Variants in TNIK observed in about 807,000 individuals in gnomAD.
TNIK encodes the protein TRAF2 and NCK-interacting protein kinase.
A neutral mutation model predicts 191.3 loss-of-function variants in TNIK; 49 were observed. The ratio of observed to expected loss-of-function variants is 0.26; its 90% CI spans 0.20 to 0.32. The LOEUF (loss-of-function observed/expected upper bound fraction) is 0.32. TNIK is among the 10% of genes least tolerant of loss of function. The pLI is 1.00. For synonymous variants in TNIK, 594 were observed against 600.9 expected (o/e 0.99, Z 0.17); for missense variants, 1,155 against 1,702.3 (o/e 0.68, Z 5.66).
intron 1 of TNIK, among the ~76,000 whole-genome samples, chr3:171,435,164 A>G (rs999464813): frequency 3.3e-5 from 5 of 152,214 alleles, no homozygotes; most frequent in African/African-American, 9.6e-5. Context: ...GATAGGGAAG[A>G]TATCTTTTTA....
At chr3:171,326,443 C>T (rs1158882097) in intron 2 of TNIK, among the ~76,000 whole-genome samples, 1 of 149,498 alleles carries the variant, frequency 6.7e-6, no homozygotes, top group African/African-American at 2.4e-5. Flanking sequence ...GCATTTCCTT[C>T]TCCCACAAGA....
At chr3:171,208,946 C>T (rs769479636) in intron 4 of TNIK, among the ~76,000 whole-genome samples, 2 of 151,982 alleles carry the variant, frequency 1.3e-5, no homozygotes, top group African/African-American at 2.4e-5. Context: ...TAAGTGACTC[C>T]CTATTGGTTA....
chr3:171,204,789 A>T (rs1739857426), intron 4 of TNIK, among the ~76,000 whole-genome samples: 1 of 152,214 alleles, frequency 6.6e-6, no homozygotes, highest in African/African-American at 2.4e-5. Flanking sequence ...TATTTAGAAC[A>T]TCAGCTTCTG....
At chr3:171,314,686 C>T (rs967231688) in intron 2 of TNIK, among the ~76,000 whole-genome samples, 3 of 152,034 alleles carry the variant, frequency 2.0e-5, no homozygotes, top group Non-Finnish European at 4.4e-5. Context: ...ACCTCATAAT[C>T]TACTAGGGAA....
rs116738287 is a variant in TNIK at position 171,455,018 on chromosome 3, T to G, written c.57+4989A>C. ...AGGTTTTAATGAACAATGCTGATAG[T>G]TGATACTAGTTTAGAAATATGTTAA... On this transcript the variant is annotated intron_variant, in intron 1 of 32. Coordinates refer to ENST00000436636, the MANE Select transcript of TNIK (RefSeq NM_015028.4). Among the ~76,000 whole-genome samples, 953 of 152,332 alleles carry G rather than the reference T, an allele frequency of 6.3e-3. 7 individuals carry two copies. The highest frequency in any genetic ancestry group is 0.022 in the African/African-American group (917 of 41,580).
At chr3:171,444,365 T>A (rs1577962233) in intron 1 of TNIK, among the ~76,000 whole-genome samples, 1 of 152,232 alleles carries the variant, frequency 6.6e-6, no homozygotes, top group East Asian at 1.9e-4. Context: ...AATAAATAAC[T>A]CGAAGATTTT....
chr3:171,306,696 T>C (rs1753491433), intron 2 of TNIK, among the ~76,000 whole-genome samples: 1 of 152,050 alleles, frequency 6.6e-6, no homozygotes, highest in Non-Finnish European at 1.5e-5. Context: ...AAATGGGCTT[T>C]CATGAAAAAG....
At chr3:171,068,097 T>A (rs532102949) in intron 30 of TNIK, among the ~76,000 whole-genome samples, 28 of 152,342 alleles carry the variant, frequency 1.8e-4, no homozygotes, top group African/African-American at 6.5e-4. Context: ...ACACACACTT[T>A]ACACTACACT....
chr3:171,230,496 C>T (rs1743485998), intron 2 of TNIK, among the ~76,000 whole-genome samples: 1 of 152,162 alleles, frequency 6.6e-6, no homozygotes, highest in Admixed American at 6.5e-5. Context: ...TTGCAGGGCC[C>T]TCCAAGAGCT....
At chr3:171,434,337 C>T (rs1725749249) in intron 1 of TNIK, among the ~76,000 whole-genome samples, 1 of 152,130 alleles carries the variant, frequency 6.6e-6, no homozygotes, top group Non-Finnish European at 1.5e-5. Flanking sequence ...AGCCACATTG[C>T]TGAATTGTTA....
intron 2 of TNIK, among the ~76,000 whole-genome samples, chr3:171,350,287 C>A (rs1438479878): frequency 6.6e-6 from 1 of 152,018 alleles, no homozygotes; most frequent in Non-Finnish European, 1.5e-5. Context: ...AAGCTGGTAG[C>A]CAAGAACAAA....
intron 1 of TNIK, among the ~76,000 whole-genome samples, chr3:171,404,773 C>T (rs1034011012): frequency 9.2e-5 from 14 of 152,218 alleles, no homozygotes; most frequent in African/African-American, 3.4e-4. Context: ...GTGATTTTTC[C>T]AAGCTCATAA....
At chr3:171,354,293 T>C (rs1246544914) in intron 2 of TNIK, among the ~76,000 whole-genome samples, 2 of 152,310 alleles carry the variant, frequency 1.3e-5, no homozygotes, top group East Asian at 1.9e-4. Flanking sequence ...CTGTATTTAC[T>C]TTGGAAACAG....
chr3:171,305,020 A>G (rs1231852647), intron 2 of TNIK, among the ~76,000 whole-genome samples: 5 of 150,742 alleles, frequency 3.3e-5, no homozygotes, highest in Non-Finnish European at 7.4e-5. Flanking sequence ...AAAAAAAAAA[A>G]AAAAAGAAAT....
At chr3:171,152,740 C>G (rs1732613268) in intron 12 of TNIK, among the ~76,000 whole-genome samples, 1 of 151,456 alleles carries the variant, frequency 6.6e-6, no homozygotes, top group Non-Finnish European at 1.5e-5. Context: ...CTAGGGAGTA[C>G]TACACAAAAA....
At chr3:171,229,708 A>G (rs1418895556) in intron 2 of TNIK, among the ~76,000 whole-genome samples, 1 of 152,064 alleles carries the variant, frequency 6.6e-6, no homozygotes, top group Non-Finnish European at 1.5e-5. Flanking sequence ...AGCTTTAAAA[A>G]TCTATTTACT....
chr3:171,455,665 C>T (rs781012851), intron 1 of TNIK, among the ~76,000 whole-genome samples: 3 of 152,110 alleles, frequency 2.0e-5, no homozygotes, highest in East Asian at 1.9e-4. Flanking sequence ...TAAAGCATTG[C>T]CTTAAATACT....
In TNIK at chr3:171,281,386, A is replaced by G. The variant is rs150406121; in HGVS notation, c.124-53165T>C. Among the ~76,000 whole-genome samples the G allele has an allele frequency of 1.3e-4, 20 of 152,328 alleles. No individual in the cohort carries two copies. The East Asian group carries it at 3.9e-3, about 29-fold the overall frequency. On this transcript the variant is annotated intron_variant, in intron 2 of 32. Transcript: ENST00000436636. ...GTTTCCTCAGGGTAGCACAGTATAT[A>G]AGAACTTTGTTTTCAAGACAGAGGT... is the stretch of plus-strand genomic sequence containing the variant.
At chr3:171,341,085 G>A (rs1325176360) in intron 2 of TNIK, among the ~76,000 whole-genome samples, 3 of 152,132 alleles carry the variant, frequency 2.0e-5, no homozygotes, top group Non-Finnish European at 4.4e-5. Flanking sequence ...TAATGCAGTT[G>A]TAAATGGGAC....
Sources: allele counts gnomAD v4.1 joint callset (sites outside exome capture counted in the v4.1 genomes callset), GRCh38; gene constraint gnomAD v4.1.1; transcripts MANE v1.5; gene names NCBI Gene and HGNC (gene_info 2026-07-23, HGNC 2026-07-21).